The following PAPPA variants were observed in gnomAD, a reference collection of about 807,000 sequenced individuals.
PAPPA encodes the protein pappalysin 1.
PAPPA carries 60 observed loss-of-function variants against 164.0 expected under a neutral mutation model. The observed-to-expected ratio is 0.37, with a 90% CI of 0.30 to 0.45. The LOEUF is 0.45. Ranked by LOEUF, PAPPA falls within the 20% of genes least tolerant of loss-of-function variation. PAPPA has a pLI of 1.00. For missense variants in PAPPA, 1,782 were observed against 2,087.3 expected (o/e 0.85, Z 2.85); for synonymous variants, 875 against 814.1 (o/e 1.07, Z -1.27).
intron 1 of PAPPA, among the ~76,000 whole-genome samples, chr9:116,181,065 C>T (rs1843898848): frequency 6.6e-6 from 1 of 152,170 alleles, no homozygotes; most frequent in Non-Finnish European, 1.5e-5. Context: ...CTACTCAAAA[C>T]AGCAATTGAG....
At position 116,227,664 on chromosome 9, in the gene PAPPA, T is replaced by C. The variant is rs189964461; in HGVS notation, c.2233+112T>C. ...GGGTCTTTGCCATGTATCATTTCAT[T>C]TGAGTAACATCATCCTGCAAGGTTA... On this transcript the variant is annotated intron_variant, in intron 6 of 21. Coordinates refer to ENST00000328252, the MANE Select transcript of PAPPA (RefSeq NM_002581.5). 1.6e-5 allele frequency: 18 copies of C among 1,137,676 alleles called. No homozygotes were observed. In the East Asian group the frequency reaches 4.6e-4, roughly 29 times the overall value. The allele number at this position is 1,137,676 out of a possible 1,614,324, so 70.5% of individuals were successfully genotyped here. A position where few individuals can be genotyped will look rare whatever the true frequency, so the allele number is the denominator to read the frequency against.
chr9:116,233,805 T>C (rs997354970), intron 6 of PAPPA, among the ~76,000 whole-genome samples: 1 of 152,170 alleles, frequency 6.6e-6, no homozygotes, highest in South Asian at 2.1e-4. Flanking sequence ...AAAGCGTTTT[T>C]AAGCAAAGAT....
intron 9 of PAPPA, among the ~76,000 whole-genome samples, chr9:116,281,078 A>T (rs1042914459): frequency 3.3e-5 from 5 of 152,350 alleles, no homozygotes; most frequent in Non-Finnish European, 5.9e-5. Context: ...ACAATAAAGT[A>T]TTTCCAATGT....
At chr9:116,200,915 TA>T (rs1844164868) in intron 2 of PAPPA, among the ~76,000 whole-genome samples, 1 of 152,142 alleles carries the variant, frequency 6.6e-6, no homozygotes, top group African/African-American at 2.4e-5. Flanking sequence ...AATAACTAAA[TA>T]AAGGAATGAT....
chr9:116,340,631 A>C (rs540808061), intron 13 of PAPPA, among the ~76,000 whole-genome samples: 48 of 152,292 alleles, frequency 3.2e-4, no homozygotes, highest in Admixed American at 7.8e-4. Flanking sequence ...CCAGGTGCAG[A>C]CAGATGTGCT....
chr9:116,155,027 C>T (rs1036857185), intron 1 of PAPPA, among the ~76,000 whole-genome samples: 3 of 152,230 alleles, frequency 2.0e-5, no homozygotes, highest in African/African-American at 7.2e-5. Context: ...TCATTAGGCC[C>T]CATTCCCCTG....
intron 20 of PAPPA, among the ~76,000 whole-genome samples, chr9:116,378,795 C>T (rs1358610506): frequency 6.6e-6 from 1 of 152,162 alleles, no homozygotes; most frequent in Non-Finnish European, 1.5e-5. Context: ...TTCTAACGTC[C>T]AGGCTGGTGC....
At chr9:116,223,931 G>A (rs1844474520) in intron 5 of PAPPA, among the ~76,000 whole-genome samples, 1 of 152,132 alleles carries the variant, frequency 6.6e-6, no homozygotes, top group Non-Finnish European at 1.5e-5. Context: ...GAAGAATTTA[G>A]CAAGATAACG....
At chr9:116,303,052 A>G in intron 10 of PAPPA, 102 bp downstream of exon 10, 2 of 827,866 alleles carry the variant, frequency 2.4e-6, no homozygotes, top group Non-Finnish European at 3.8e-6. Context: ...GGCTATAGCC[A>G]CTTGAGCATA....
At chr9:116,366,513 C>A (rs1349761731) in intron 18 of PAPPA, among the ~76,000 whole-genome samples, 13 of 152,170 alleles carry the variant, frequency 8.5e-5, no homozygotes, top group Admixed American at 7.9e-4. Flanking sequence ...CACCTAAATG[C>A]ATATTCATCA....
At chr9:116,170,848 C>T (rs946398669) in intron 1 of PAPPA, among the ~76,000 whole-genome samples, 2 of 150,938 alleles carry the variant, frequency 1.3e-5, no homozygotes, top group African/African-American at 4.9e-5. Context: ...TTAGGAGGTT[C>T]CAATTCTTGT....
intron 1 of PAPPA, among the ~76,000 whole-genome samples, chr9:116,173,855 C>A (rs1843800865): frequency 2.0e-5 from 3 of 152,188 alleles, no homozygotes; most frequent in Non-Finnish European, 4.4e-5. Context: ...TTGCTTGTAC[C>A]TCTACTATAG....
At chr9:116,177,099 T>G (rs1415603049) in intron 1 of PAPPA, among the ~76,000 whole-genome samples, 1 of 152,200 alleles carries the variant, frequency 6.6e-6, no homozygotes, top group East Asian at 1.9e-4. Flanking sequence ...CTCATTTCTC[T>G]GATACTTCCC....
At chr9:116,312,272 TTTC>T (rs1845727566) in intron 10 of PAPPA, among the ~76,000 whole-genome samples, 1 of 145,162 alleles carries the variant, frequency 6.9e-6, no homozygotes, top group South Asian at 2.3e-4. Context: ...TTCATTTTCT[TTTC>T]TTTTCTTTCT....
intron 9 of PAPPA, among the ~76,000 whole-genome samples, chr9:116,283,203 G>A (rs534923668): frequency 6.6e-6 from 1 of 152,288 alleles, no homozygotes; most frequent in East Asian, 1.9e-4. Context: ...TCTGTGCAAT[G>A]CAGGGTTAAG....
At chr9:116,371,893 T>G (rs896186829) in intron 19 of PAPPA, among the ~76,000 whole-genome samples, 1 of 152,182 alleles carries the variant, frequency 6.6e-6, no homozygotes, top group Non-Finnish European at 1.5e-5. Context: ...TGCTATGGAT[T>G]GGTTTTGCTT....
intron 1 of PAPPA, among the ~76,000 whole-genome samples, chr9:116,166,390 C>T (rs1030024358): frequency 6.6e-6 from 1 of 152,204 alleles, no homozygotes; most frequent in Non-Finnish European, 1.5e-5. Context: ...TTGCTTGCCT[C>T]TCAAATTTCC....
At chr9:116,360,125 G>A (rs1846405110) in intron 17 of PAPPA, among the ~76,000 whole-genome samples, 1 of 152,212 alleles carries the variant, frequency 6.6e-6, no homozygotes, top group Admixed American at 6.5e-5. Flanking sequence ...GGCCCAAGTA[G>A]TGCTGAGGTC....
intron 1 of PAPPA, among the ~76,000 whole-genome samples, chr9:116,157,387 A>C (rs1315874533): frequency 6.6e-6 from 1 of 152,200 alleles, no homozygotes; most frequent in African/African-American, 2.4e-5. Context: ...AAGGAGAAAA[A>C]TATATATACT....
Sources: gnomAD v4.1 joint callset for allele counts (sites outside exome capture counted in the v4.1 genomes callset) on GRCh38, gnomAD v4.1.1 for gene constraint, MANE v1.5 for transcripts, NCBI Gene and HGNC (gene_info 2026-07-23, HGNC 2026-07-21) for gene names.